SLC24A3: variants seen among roughly 807,000 people sequenced by gnomAD.
SLC24A3 encodes sodium/potassium/calcium exchanger 3.
Under a neutral mutation model 75.8 loss-of-function variants are expected in SLC24A3, and 28 were observed. That is an observed-to-expected ratio of 0.37 (90% confidence interval 0.27 to 0.51). SLC24A3 has a LOEUF of 0.51. SLC24A3 is among the 20% of genes least tolerant of loss of function. The pLI, the probability that SLC24A3 is intolerant of heterozygous loss-of-function variation, is 0.94. For synonymous variants in SLC24A3, 372 were observed against 334.1 expected (o/e 1.11, Z -1.24); for missense variants, 663 against 847.8 (o/e 0.78, Z 2.71).
intron 7 of SLC24A3, among the ~76,000 whole-genome samples, chr20:19,657,043 C>A (rs1175815502): frequency 6.6e-6 from 1 of 152,222 alleles, no homozygotes; most frequent in East Asian, 1.9e-4. Flanking sequence ...CAGAGCTGAG[C>A]TAGCTGAACA....
At chr20:19,454,064 A>G (rs990641970) in intron 2 of SLC24A3, among the ~76,000 whole-genome samples, 2 of 152,212 alleles carry the variant, frequency 1.3e-5, no homozygotes, top group Admixed American at 1.3e-4. Flanking sequence ...AGATACTCCC[A>G]TCTCAGAGTT....
At chr20:19,477,052 G>T (rs1327999188) in intron 2 of SLC24A3, among the ~76,000 whole-genome samples, 3 of 152,104 alleles carry the variant, frequency 2.0e-5, no homozygotes, top group Non-Finnish European at 2.9e-5. Context: ...CCTAGCCATA[G>T]TAAGGACTGT....
At chr20:19,516,884 AT>A (rs1362555036) in intron 3 of SLC24A3, among the ~76,000 whole-genome samples, 3 of 152,188 alleles carry the variant, frequency 2.0e-5, no homozygotes, top group African/African-American at 7.2e-5. Flanking sequence ...CAGAGAAGAC[AT>A]GGGCTTGAAG....
At chr20:19,440,783 G>A (rs1346605604) in intron 2 of SLC24A3, among the ~76,000 whole-genome samples, 1 of 151,982 alleles carries the variant, frequency 6.6e-6, no homozygotes, top group African/African-American at 2.4e-5. Flanking sequence ...GAGTGTCCAG[G>A]GTTCTGCCAG....
intron 13 of SLC24A3, chr20:19,695,396 T>A (rs933259710): frequency 2.6e-5 from 4 of 152,274 alleles, no homozygotes; most frequent in Admixed American, 1.3e-4. Context: ...ATCTTCTCCT[T>A]GGGCCCACAT....
intron 3 of SLC24A3, among the ~76,000 whole-genome samples, chr20:19,520,785 T>C (rs3790237): frequency 0.14 from 20,871 of 152,212 alleles, 1,565 homozygotes; most frequent in Middle Eastern, 0.18. Flanking sequence ...CAGGGAATTT[T>C]ATCTGGTCTG....
At chr20:19,527,067 G>T (rs916890198) in intron 3 of SLC24A3, among the ~76,000 whole-genome samples, 26 of 151,840 alleles carry the variant, frequency 1.7e-4, no homozygotes, top group African/African-American at 5.8e-4. Flanking sequence ...CCCAGTTCCT[G>T]CCTAGGCCCC....
At chr20:19,652,537 G>A (rs145243613) in intron 6 of SLC24A3, among the ~76,000 whole-genome samples, 100 of 152,278 alleles carry the variant, frequency 6.6e-4, no homozygotes, top group Admixed American at 2.3e-3. Context: ...TGATTTTTCT[G>A]ATGTGAATTC....
chr20:19,386,340 G>T (rs965016542), intron 2 of SLC24A3, among the ~76,000 whole-genome samples: 1 of 152,112 alleles, frequency 6.6e-6, no homozygotes, highest in African/African-American at 2.4e-5. Context: ...AGAGTTTTCT[G>T]TATCTAAAAT....
intron 6 of SLC24A3, among the ~76,000 whole-genome samples, chr20:19,617,849 C>A (rs6075544): frequency 6.6e-6 from 1 of 152,022 alleles, no homozygotes; most frequent in East Asian, 1.9e-4. Flanking sequence ...TCAGACGAGG[C>A]GGCATGTTAC....
chr20:19,609,469 G>A (rs866955484), intron 6 of SLC24A3, among the ~76,000 whole-genome samples: 34 of 151,972 alleles, frequency 2.2e-4, no homozygotes, highest in Middle Eastern at 6.8e-3. Flanking sequence ...TTGTTATATA[G>A]GTATACATGT....
chr20:19,409,781 C>G (rs937244437), intron 2 of SLC24A3, among the ~76,000 whole-genome samples: 1 of 151,258 alleles, frequency 6.6e-6, no homozygotes, highest in Non-Finnish European at 1.5e-5. Context: ...ACATAAAAAA[C>G]TATACACAGT....
intron 2 of SLC24A3, among the ~76,000 whole-genome samples, chr20:19,430,353 A>C (rs1987079134): frequency 6.6e-6 from 1 of 152,144 alleles, no homozygotes; most frequent in African/African-American, 2.4e-5. Context: ...GGCAGGTGCA[A>C]TCTCCAGCCC....
At chr20:19,239,332 C>T (rs922542600) in intron 1 of SLC24A3, among the ~76,000 whole-genome samples, 3 of 152,148 alleles carry the variant, frequency 2.0e-5, no homozygotes, top group African/African-American at 7.2e-5. Flanking sequence ...AGTGCATTGC[C>T]TTTCTAGTGC....
At chr20:19,401,912 C>T (rs569367684) in intron 2 of SLC24A3, among the ~76,000 whole-genome samples, 24 of 152,204 alleles carry the variant, frequency 1.6e-4, no homozygotes, top group Non-Finnish European at 1.6e-4. Context: ...GGTTTGATAA[C>T]ACACGTTTTA....
At chr20:19,624,472 A>G (rs946672361) in intron 6 of SLC24A3, among the ~76,000 whole-genome samples, 7 of 152,158 alleles carry the variant, frequency 4.6e-5, no homozygotes, top group Admixed American at 3.9e-4. Flanking sequence ...TATTTCTCAC[A>G]TGTCTTTCAT....
In SLC24A3 at chr20:19,721,315, C is replaced by A; in HGVS notation, c.*175C>A. On this transcript the variant is annotated 3_prime_UTR_variant, in exon 17 of 17. Transcript: ENST00000328041. Reference sequence around the variant, plus strand: ...TCTCCCCTGACCCATCCTCGCTCCCCCACCTCCTTGGGTCATGCCCACCCA... The same window carrying A: ...TCTCCCCTGACCCATCCTCGCTCCCACACCTCCTTGGGTCATGCCCACCCA... 1 of 705,726 alleles carries A rather than the reference C, an allele frequency of 1.4e-6. No individual in the cohort carries two copies. The highest frequency in any genetic ancestry group is 2.3e-6 in the Non-Finnish European group (1 of 441,640). The allele number at this position is 705,726 out of a possible 1,614,324, so 43.7% of individuals were successfully genotyped here.
intron 6 of SLC24A3, among the ~76,000 whole-genome samples, chr20:19,608,061 A>G (rs898021089): frequency 6.6e-6 from 1 of 152,224 alleles, no homozygotes; most frequent in Non-Finnish European, 1.5e-5. Context: ...TAAAAGTGCA[A>G]GTCATTTTTG....
intron 2 of SLC24A3, among the ~76,000 whole-genome samples, chr20:19,356,178 A>G (rs763360233): frequency 5.9e-5 from 9 of 152,220 alleles, no homozygotes; most frequent in Admixed American, 1.3e-4. Context: ...ACAAAAACAT[A>G]TAGGGAGTAA....
Sources: gnomAD v4.1 joint callset for allele counts (sites outside exome capture counted in the v4.1 genomes callset) on GRCh38, gnomAD v4.1.1 for gene constraint, MANE v1.5 for transcripts, NCBI Gene and HGNC (gene_info 2026-07-23, HGNC 2026-07-21) for gene names.